Variants in WDR7 observed in about 807,000 individuals in gnomAD.
The protein encoded by WDR7 is WD repeat-containing protein 7.
WDR7 carries 46 observed loss-of-function variants against 169.4 expected under a neutral mutation model. That is an observed-to-expected ratio of 0.27 (90% CI 0.21 to 0.35). The LOEUF (loss-of-function observed/expected upper bound fraction) is 0.35. WDR7 is among the 10% of genes least tolerant of loss of function. The probability of loss-of-function intolerance (pLI) is 1.00; values close to 1 mark genes in which losing one functional copy is unlikely to be tolerated. For synonymous variants in WDR7, 612 were observed against 666.8 expected, an observed-to-expected ratio of 0.92 and a Z score of 1.27; for missense variants, 1,534 against 1,859.3, an observed-to-expected ratio of 0.83 and a Z score of 3.22.
intron 26 of WDR7, among the ~76,000 whole-genome samples, chr18:56,998,757 G>C (rs919436636): frequency 4.6e-5 from 7 of 152,082 alleles, no homozygotes; most frequent in Non-Finnish European, 7.4e-5. Context: ...TCTTACCCAA[G>C]GAATAGTCTT....
chr18:56,883,592 G>A (rs559359002), intron 21 of WDR7, among the ~76,000 whole-genome samples: 39 of 151,348 alleles, frequency 2.6e-4, no homozygotes, highest in African/African-American at 9.0e-4. Context: ...TGATTTCTGA[G>A]ATTTTGGTTC....
rs751627260 is a variant in WDR7 at position 56,718,113 on chromosome 18, G to C, written c.1728G>C (p.Val576=). 6.2e-7 allele frequency: 1 copy of C among 1,614,086 alleles called. No homozygotes were observed. Among genetic ancestry groups the C allele is most frequent in the Non-Finnish European group, 8.5e-7 (1 of 1,180,008 alleles). Residue 576 remains valine (V), a synonymous_variant, in exon 13 of 28, where the codon GTG becomes GTC. Coordinates refer to ENST00000254442, the MANE Select transcript of WDR7 (RefSeq NM_015285.3). ...GGAGGCCTTCTGATGATTACCTGGTGGTGGGGTGTTCAGATGGTTCTGTGT... is the reference window on the plus strand; with the variant it reads ...GGAGGCCTTCTGATGATTACCTGGTCGTGGGGTGTTCAGATGGTTCTGTGT... The part of the protein sequence containing the change: ...IKWRPSDDYL[V]VGCSDGSVYV...
chr18:56,687,312 A>C (rs1017987790), intron 7 of WDR7, among the ~76,000 whole-genome samples: 1 of 152,188 alleles, frequency 6.6e-6, no homozygotes, highest in African/African-American at 2.4e-5. Context: ...GGTGTTATTA[A>C]AGCTAATAGT....
intron 26 of WDR7, among the ~76,000 whole-genome samples, chr18:57,020,530 G>A (rs1290224652): frequency 6.6e-6 from 1 of 152,182 alleles, no homozygotes; most frequent in Non-Finnish European, 1.5e-5. Flanking sequence ...GAGGCAGGTG[G>A]ACACCTCAGA....
chr18:56,888,627 A>C (rs2145513767), intron 21 of WDR7, among the ~76,000 whole-genome samples: 1 of 152,158 alleles, frequency 6.6e-6, no homozygotes, highest in East Asian at 1.9e-4. Flanking sequence ...CATTATTAGA[A>C]TGTTTTAAGG....
chr18:56,727,212 A>T (rs1300065180), intron 13 of WDR7, among the ~76,000 whole-genome samples: 1 of 152,188 alleles, frequency 6.6e-6, no homozygotes, highest in Non-Finnish European at 1.5e-5. Flanking sequence ...GGGTAAATTC[A>T]GTTCCTATTA....
intron 14 of WDR7, among the ~76,000 whole-genome samples, chr18:56,748,468 A>G (rs995822695): frequency 2.6e-5 from 4 of 152,222 alleles, no homozygotes; most frequent in African/African-American, 7.2e-5. Flanking sequence ...GACATGGTCT[A>G]CAGAAATATC....
intron 26 of WDR7, among the ~76,000 whole-genome samples, chr18:57,016,382 G>A (rs991820596): frequency 6.6e-6 from 1 of 151,878 alleles, no homozygotes; most frequent in African/African-American, 2.4e-5. Flanking sequence ...TGGAAATCTC[G>A]TTTTCATAAT....
In WDR7 at chr18:56,816,093, G is replaced by A. The variant is rs1210544731; in HGVS notation, c.3253G>A (p.Ala1085Thr). Residue 1085 changes from alanine to threonine, a missense_variant, in exon 20 of 28, where the codon GCA becomes ACA. Transcript: ENST00000254442. ...TTAPDASGPE[A>T]KVQEEEHDLV... ...GGCTCCTGATGCCTCAGGGCCTGAA[G>A]CAAAAGTCCAGGAGGAAGAGCATGA... 11 of 1,613,840 alleles carry A rather than the reference G, an allele frequency of 6.8e-6. No individual in the cohort carries two copies. The East Asian group carries it at 2.5e-4, about 36-fold the overall frequency.
intron 21 of WDR7, among the ~76,000 whole-genome samples, chr18:56,894,712 T>A (rs890456204): frequency 2.0e-5 from 3 of 152,132 alleles, no homozygotes; most frequent in Non-Finnish European, 4.4e-5. Context: ...ACGACTGAAG[T>A]AATGAGTGAA....
chr18:56,670,201 A>G (rs550663978), intron 1 of WDR7, among the ~76,000 whole-genome samples: 1 of 152,284 alleles, frequency 6.6e-6, no homozygotes, highest in African/African-American at 2.4e-5. Flanking sequence ...TGATTGTCAT[A>G]TACTATTCTA....
At chr18:57,006,187 C>T (rs535121846) in intron 26 of WDR7, among the ~76,000 whole-genome samples, 3 of 152,218 alleles carry the variant, frequency 2.0e-5, no homozygotes, top group South Asian at 2.1e-4. Context: ...TTAAGGCACA[C>T]GTCTCTGGGT....
Position 57,029,380 on chromosome 18 carries a change from C to T in WDR7, c.*2173C>T, listed in dbSNP as rs879805052. 1 of 152,212 alleles carries T rather than the reference C, an allele frequency of 6.6e-6. No homozygotes were observed. The highest frequency in any genetic ancestry group is 1.5e-5 in the Non-Finnish European group (1 of 68,054). 9.4% of individuals were successfully genotyped at this position (152,212 alleles called of 1,614,324 possible). On this transcript the variant is annotated 3_prime_UTR_variant, in exon 28 of 28. Transcript: ENST00000254442. ...GGACGATGTTTGATGATTAGACGGT[C>T]ATCTCTAACTACTAAACTAATATCT...
chr18:56,946,586 C>T (rs1215194019), intron 25 of WDR7, among the ~76,000 whole-genome samples: 1 of 152,028 alleles, frequency 6.6e-6, no homozygotes, highest in African/African-American at 2.4e-5. Flanking sequence ...CTCCTGTATT[C>T]CTTCCCTCAT....
intron 21 of WDR7, among the ~76,000 whole-genome samples, chr18:56,903,768 A>C (rs1319014964): frequency 6.6e-6 from 1 of 152,142 alleles, no homozygotes; most frequent in Non-Finnish European, 1.5e-5. Context: ...GTCAGATTCA[A>C]GAAAATTACT....
chr18:56,921,647 CTGAAAGGAGGGTCTTT>C, intron 21 of WDR7, among the ~76,000 whole-genome samples: 1 of 152,246 alleles, frequency 6.6e-6, no homozygotes, highest in Middle Eastern at 3.4e-3. Context: ...CCAGGGTCTT[CTGAAAGGAGGGTCTTT>C]TGAAAGGAGG....
intron 8 of WDR7, 41 bp from the exon 9 acceptor site, chr18:56,691,674 G>A: frequency 6.6e-7 from 1 of 1,519,914 alleles, no homozygotes; most frequent in Non-Finnish European, 9.0e-7. Context: ...AGTATTTAAT[G>A]TCAGTATTTT....
chr18:56,665,905 A>T (rs555156179), intron 1 of WDR7, among the ~76,000 whole-genome samples: 22 of 152,134 alleles, frequency 1.4e-4, no homozygotes, highest in Non-Finnish European at 1.9e-4. Flanking sequence ...GTCTCAGTTG[A>T]CCCTGGGGGA....
chr18:56,955,736 T>C (rs1212929550), intron 25 of WDR7, among the ~76,000 whole-genome samples: 1 of 152,172 alleles, frequency 6.6e-6, no homozygotes, highest in East Asian at 1.9e-4. Context: ...TTACTATGTG[T>C]CAGGCACTGT....
Sources: gnomAD v4.1 joint callset for allele counts (sites outside exome capture counted in the v4.1 genomes callset) on GRCh38, gnomAD v4.1.1 for gene constraint, MANE v1.5 for transcripts, NCBI Gene and HGNC (gene_info 2026-07-23, HGNC 2026-07-21) for gene names.